The following CPEB1 variants were observed in gnomAD, a reference collection of about 807,000 sequenced individuals.
CPEB1 encodes cytoplasmic polyadenylation element binding protein 1.
A neutral mutation model predicts 65.8 loss-of-function variants in CPEB1; 7 were observed. That is an observed-to-expected ratio of 0.11 (90% CI 0.06 to 0.20). The LOEUF (loss-of-function observed/expected upper bound fraction) is 0.20. CPEB1 is among the 10% of genes least tolerant of loss of function. The pLI is 1.00. For missense variants in CPEB1, 551 were observed against 712.2 expected, an observed-to-expected ratio of 0.77 and a Z score of 2.58; for synonymous variants, 262 against 260.0, an observed-to-expected ratio of 1.01 and a Z score of -0.08.
chr15:82,566,443 G>T (rs1417754279), intron 4 of CPEB1, among the ~76,000 whole-genome samples: 1 of 152,128 alleles, frequency 6.6e-6, no homozygotes, highest in Non-Finnish European at 1.5e-5. Context: ...AGGAAGGGGG[G>T]AGAGTAGCAT....
At chr15:82,615,177 G>A (rs2044597406) in intron 3 of CPEB1, among the ~76,000 whole-genome samples, 1 of 152,012 alleles carries the variant, frequency 6.6e-6, no homozygotes, top group South Asian at 2.1e-4. Flanking sequence ...CTTTGTTTGG[G>A]TTTATTATGA....
At chr15:82,618,801 T>C (rs372599743) in intron 3 of CPEB1, among the ~76,000 whole-genome samples, 1 of 151,848 alleles carries the variant, frequency 6.6e-6, no homozygotes, top group African/African-American at 2.4e-5. Context: ...ACTAAGAAAA[T>C]TTTTAAAGAC....
At chr15:82,598,341 A>G (rs1239356653) in intron 3 of CPEB1, among the ~76,000 whole-genome samples, 1 of 151,968 alleles carries the variant, frequency 6.6e-6, no homozygotes, top group Non-Finnish European at 1.5e-5. Flanking sequence ...TAAAAATACA[A>G]AAATTACCCG....
At chr15:82,601,662 G>C (rs1017490416) in intron 3 of CPEB1, among the ~76,000 whole-genome samples, 2 of 152,046 alleles carry the variant, frequency 1.3e-5, no homozygotes, top group African/African-American at 4.8e-5. Flanking sequence ...ACAATATAAG[G>C]TCACTGATTG....
chr15:82,619,892 T>A (rs13379724), intron 3 of CPEB1, among the ~76,000 whole-genome samples: 32,494 of 151,950 alleles, frequency 0.21, 3,662 homozygotes, highest in African/African-American at 0.26. Context: ...ACGTATACCC[T>A]ATGACCCAAC....
intron 1 of CPEB1, among the ~76,000 whole-genome samples, chr15:82,636,459 T>G (rs1197464993): frequency 6.6e-6 from 1 of 152,230 alleles, no homozygotes; most frequent in Non-Finnish European, 1.5e-5. Flanking sequence ...TTCTTCATTT[T>G]TCATAGGGTA....
chr15:82,547,034 C>G (rs915205073), intron 11 of CPEB1, 109 bp downstream of exon 11: 4 of 752,400 alleles, frequency 5.3e-6, no homozygotes, highest in Non-Finnish European at 9.1e-6. Flanking sequence ...GCTCACTTCC[C>G]TAAACACACC....
chr15:82,569,599 A>G (rs1037043778), intron 4 of CPEB1, among the ~76,000 whole-genome samples: 1 of 152,244 alleles, frequency 6.6e-6, no homozygotes, highest in East Asian at 1.9e-4. Context: ...GGATATTATG[A>G]CTAGATCCAA....
At chr15:82,581,044 G>C (rs970049493) in intron 3 of CPEB1, among the ~76,000 whole-genome samples, 1 of 152,094 alleles carries the variant, frequency 6.6e-6, no homozygotes, top group Admixed American at 6.6e-5. Context: ...GTCTCCCCAT[G>C]TTGCCCAGGC....
At chr15:82,552,175 G>C (rs935498606) in intron 9 of CPEB1, among the ~76,000 whole-genome samples, 2 of 152,136 alleles carry the variant, frequency 1.3e-5, no homozygotes, top group Non-Finnish European at 2.9e-5. Context: ...TAAGACAAGA[G>C]GTTTGAAACC....
At chr15:82,621,016 A>T (rs553606040) in intron 3 of CPEB1, among the ~76,000 whole-genome samples, 13 of 152,218 alleles carry the variant, frequency 8.5e-5, no homozygotes, top group African/African-American at 2.9e-4. Flanking sequence ...TTAACTGTTA[A>T]AGCCACACAG....
chr15:82,630,127 G>C, intron 1 of CPEB1: 1 of 985,260 alleles, frequency 1.0e-6, no homozygotes, highest in South Asian at 4.7e-5. Context: ...GCAGAGAGGA[G>C]GTCTCGCTGT....
chr15:82,569,454 GT>G (rs2039678217), intron 4 of CPEB1, among the ~76,000 whole-genome samples: 2 of 152,238 alleles, frequency 1.3e-5, no homozygotes, highest in South Asian at 4.1e-4. Context: ...TCAGGCTGCA[GT>G]CCCTCCCTGG....
intron 11 of CPEB1, 72 bp downstream of exon 11, chr15:82,547,071 C>T: frequency 2.0e-6 from 2 of 1,018,468 alleles, no homozygotes; most frequent in South Asian, 1.4e-5. Flanking sequence ...AGGTCTCAGG[C>T]CTGCCCTGGG....
intron 4 of CPEB1, among the ~76,000 whole-genome samples, chr15:82,563,333 A>AATGT (rs920495092): frequency 6.7e-6 from 1 of 148,368 alleles, no homozygotes; most frequent in African/African-American, 2.5e-5. Context: ...GTTACATATG[A>AATGT]ATGTATGTAA....
At chr15:82,597,355 C>T (rs957098350) in intron 3 of CPEB1, among the ~76,000 whole-genome samples, 14 of 152,092 alleles carry the variant, frequency 9.2e-5, no homozygotes, top group African/African-American at 2.2e-4. Flanking sequence ...TTAGGTGCAC[C>T]GGCCCAGTTG....
intron 3 of CPEB1, among the ~76,000 whole-genome samples, chr15:82,607,086 A>G (rs1454500265): frequency 6.6e-6 from 1 of 152,176 alleles, no homozygotes. Flanking sequence ...ATCTTAACAC[A>G]AAAGAAAGCA....
At chr15:82,601,815 A>G (rs2043146099) in intron 3 of CPEB1, among the ~76,000 whole-genome samples, 2 of 152,082 alleles carry the variant, frequency 1.3e-5, no homozygotes, top group South Asian at 4.2e-4. Flanking sequence ...ATCTACAAAG[A>G]AGATATAATT....
chr15:82,647,793 C>A, upstream of CPEB1: 2 of 1,252,624 alleles, frequency 1.6e-6, no homozygotes, highest in Non-Finnish European at 2.0e-6. Context: ...CGGCTGCGCG[C>A]GGACCGTTAG....
Sources: gnomAD v4.1 joint callset for allele counts (sites outside exome capture counted in the v4.1 genomes callset) on GRCh38, gnomAD v4.1.1 for gene constraint, MANE v1.5 for transcripts, NCBI Gene and HGNC (gene_info 2026-07-23, HGNC 2026-07-21) for gene names.